The following RFX1 variants were observed in gnomAD, a reference collection of about 807,000 sequenced individuals.
RFX1 encodes the protein MHC class II regulatory factor RFX1.
In RFX1, 42 loss-of-function variants were observed where a neutral mutation model predicts 119.6. The ratio of observed to expected loss-of-function variants is 0.35; its 90% CI spans 0.27 to 0.45. The LOEUF (loss-of-function observed/expected upper bound fraction) is 0.45, where lower values mean the gene tolerates loss of function less well. Ranked by LOEUF, RFX1 falls within the 20% of genes least tolerant of loss-of-function variation. RFX1 has a pLI of 1.00. For synonymous variants in RFX1, 628 were observed against 618.5 expected, an observed-to-expected ratio of 1.02 and a Z score of -0.23; for missense variants, 1,118 against 1,368.1, an observed-to-expected ratio of 0.82 and a Z score of 2.88.
Position 13,968,552 on chromosome 19 carries a change from A to G in RFX1, c.1732+13T>C, listed in dbSNP as rs1973975724. 1.2e-6 allele frequency: 2 copies of G among 1,603,350 alleles called. No individual in the cohort carries two copies. Among genetic ancestry groups the G allele is most frequent in the East Asian group, 2.2e-5 (1 of 44,812 alleles). ...GGCGGTGGTTGGGGAAGCACGGGCC[A>G]GGGAGCTCTCACCCAAAAATTGCTG... On this transcript the variant is annotated intron_variant, in intron 12 of 20. Coordinates refer to ENST00000254325, the MANE Select transcript of RFX1 (RefSeq NM_002918.5). The surrounding 1 kb of genome is among the most constrained non-coding windows in gnomAD (Gnocchi z 5.5).
rs912505018 is a variant in RFX1 at position 13,962,632 on chromosome 19, A to C, written c.*63T>G. 3.3e-5 allele frequency: 42 copies of C among 1,263,226 alleles called. No homozygotes were observed. The African/African-American group carries it at 5.1e-4, about 15-fold the overall frequency. The allele number at this position is 1,263,226 out of a possible 1,614,324, so 78.3% of individuals were successfully genotyped here. On this transcript the variant is annotated 3_prime_UTR_variant, in exon 21 of 21. Coordinates refer to ENST00000254325, the MANE Select transcript of RFX1 (RefSeq NM_002918.5). ...TGGAGCAGTGACCACGAAGCCACAG[A>C]AGCTTTGAGGGACCCTGGCGTGGAG...
At chr19:13,962,919 C>G (rs1324920682) in intron 20 of RFX1, 55 bp from the exon 21 acceptor site, 17 of 1,542,650 alleles carry the variant, frequency 1.1e-5, no homozygotes, top group African/African-American at 1.4e-5. Context: ...CCCCCGGGCT[C>G]CTCCTCCTCC....
rs180758537 is a variant in RFX1 at position 13,969,165 on chromosome 19, C to T, written c.1497-271G>A. The stretch of plus-strand genomic sequence containing the variant: ...CTGAAGCTGGGAATGGGAACCGAGA[C>T]GTGAGCGGAGGTGAGCCATGGGGGT... On this transcript the variant is annotated intron_variant, in intron 10 of 20. Transcript: ENST00000254325. The surrounding 1 kb of genome is among the most constrained non-coding windows in gnomAD (Gnocchi z 4.5). Among the ~76,000 whole-genome samples the T allele has an allele frequency of 9.1e-4, 139 of 152,206 alleles. No homozygotes were observed. The highest frequency in any genetic ancestry group is 3.2e-3 in the African/African-American group (131 of 41,522).
rs1973674140 is a variant in RFX1 at position 13,961,807 on chromosome 19, A to ATC, written c.*887_*888insGA. 2.0e-5 allele frequency: 3 copies of ATC among 152,384 alleles called. No homozygotes were observed. The highest frequency in any genetic ancestry group is 4.4e-5 in the Non-Finnish European group (3 of 68,072). The allele number at this position is 152,384 out of a possible 1,614,324, so 9.4% of individuals were successfully genotyped here. ...CTGAAAACACTGAGAAAACTGGAAC[A>ATC]GATAAGGCCATGATGGTTGGAAAAA... On this transcript the variant is annotated 3_prime_UTR_variant, in exon 21 of 21. Coordinates refer to ENST00000254325, the MANE Select transcript of RFX1 (RefSeq NM_002918.5).
In RFX1 at chr19:13,986,820, CCCAGG is replaced by C. The variant is rs1974612964; in HGVS notation, c.320-3230_320-3226del. On this transcript the variant is annotated intron_variant, in intron 2 of 20. Coordinates refer to ENST00000254325, the MANE Select transcript of RFX1 (RefSeq NM_002918.5). The surrounding 1 kb of genome is among the most constrained non-coding windows in gnomAD (Gnocchi z 4.2). ...ACCTTAAATGAGCTACTTGGGGGAG[CCCAGG>C]GGAGGCCCTAGAGGCTGGACTCCTG... 6.6e-6 allele frequency among the ~76,000 whole-genome samples: 1 copy of C among 152,082 alleles called. No individual in the cohort carries two copies. Among genetic ancestry groups the C allele is most frequent in the Non-Finnish European group, 1.5e-5 (1 of 67,978 alleles).
chr19:13,979,016 G>A (rs1974346637), intron 7 of RFX1, among the ~76,000 whole-genome samples: 1 of 151,688 alleles, frequency 6.6e-6, no homozygotes, highest in Non-Finnish European at 1.5e-5. Context: ...GGCGGCTCCG[G>A]CGGCGGCGTG....
intron 2 of RFX1, among the ~76,000 whole-genome samples, chr19:13,988,352 T>G (rs1370801372): frequency 6.6e-6 from 1 of 152,082 alleles, no homozygotes; most frequent in Non-Finnish European, 1.5e-5. Context: ...CGGGAAGAGC[T>G]GGAGAAGCCA....
At chr19:14,005,497 A>G (rs913391304) in intron 1 of RFX1, among the ~76,000 whole-genome samples, 1 of 152,214 alleles carries the variant, frequency 6.6e-6, no homozygotes, top group African/African-American at 2.4e-5. Context: ...CCTGGAAGGA[A>G]TGAGGAGTCC....
chr19:13,969,724 G>A lies in RFX1; in HGVS notation c.1496+270C>T, dbSNP rs1974013940. ...TAAAGAGAAAAATAAAGCAGGGTTGGGGGGTGTCGGGCAGGGGAGAGGGGG... is the reference window on the plus strand; with the variant it reads ...TAAAGAGAAAAATAAAGCAGGGTTGAGGGGTGTCGGGCAGGGGAGAGGGGG... On this transcript the variant is annotated intron_variant, in intron 10 of 20. Coordinates refer to ENST00000254325, the MANE Select transcript of RFX1 (RefSeq NM_002918.5). The surrounding 1 kb of genome is among the most constrained non-coding windows in gnomAD (Gnocchi z 4.5). 2.4e-6 allele frequency: 1 copy of A among 421,784 alleles called. No individual in the cohort carries two copies. Among genetic ancestry groups the A allele is most frequent in the African/African-American group, 2.0e-5 (1 of 49,780 alleles). 26.1% of individuals were successfully genotyped at this position (421,784 alleles called of 1,614,324 possible).
chr19:13,977,293 C>CAA (rs745777521), intron 8 of RFX1, among the ~76,000 whole-genome samples: 2 of 112,256 alleles, frequency 1.8e-5, no homozygotes, highest in African/African-American at 3.3e-5. Flanking sequence ...GACTCCATCT[C>CAA]AAAAAAAAAA....
At chr19:14,006,445 C>T (rs1458708997), upstream of RFX1, 4 of 152,240 alleles carry the variant, frequency 2.6e-5, no homozygotes, top group East Asian at 7.7e-4. Context: ...GCACGCTTTT[C>T]AACACCCTCT....
rs780713429 is a variant in RFX1, at chr19:13,966,774, G to A, written c.1733-23C>T. On this transcript the variant is annotated intron_variant, in intron 12 of 20. Coordinates refer to ENST00000254325, the MANE Select transcript of RFX1 (RefSeq NM_002918.5). The surrounding 1 kb of genome is among the most constrained non-coding windows in gnomAD (Gnocchi z 6.3). ...CATCTAGGGGGCCGGGGGGAACCGT[G>A]AGGCCCTTCATCCCCCTTGCCTGCC... The A allele has an allele frequency of 1.6e-5, 24 of 1,531,414 alleles. No individual in the cohort carries two copies. The highest frequency in any genetic ancestry group is 1.8e-5 in the Non-Finnish European group (20 of 1,116,754). 94.9% of individuals were successfully genotyped at this position (1,531,414 alleles called of 1,614,324 possible).
At position 13,980,493 on chromosome 19, in the gene RFX1, A is replaced by G; in HGVS notation, c.738+80T>C. 1 of 889,016 alleles carries G rather than the reference A, an allele frequency of 1.1e-6. No individual in the cohort carries two copies. Among genetic ancestry groups the G allele is most frequent in the South Asian group, 1.6e-5 (1 of 63,396 alleles). The allele number at this position is 889,016 out of a possible 1,614,324, so 55.1% of individuals were successfully genotyped here. ...CACATGGGCTGGGCTCTAATAGGCC[A>G]GAGGCACAGCCGTGGGGGGCTGCAG... On this transcript the variant is annotated intron_variant, in intron 6 of 20. Transcript: ENST00000254325. This position sits in a 1 kb window ranked among gnomAD's most constrained non-coding sequence, Gnocchi z 5.1.
At position 13,968,928 on chromosome 19, in the gene RFX1, G is replaced by T; in HGVS notation, c.1497-34C>A. On this transcript the variant is annotated intron_variant, in intron 10 of 20. Transcript: ENST00000254325. This position sits in a 1 kb window ranked among gnomAD's most constrained non-coding sequence, Gnocchi z 5.5. ...GAGGTGGAGGGGAAGGGCTGGGCTG[G>T]GGGTCTGCCGGCTGGCCGGCCATGG... is the stretch of plus-strand genomic sequence containing the variant. The T allele has an allele frequency of 6.5e-7, 1 of 1,539,782 alleles. No homozygotes were observed. The highest frequency in any genetic ancestry group is 1.2e-5 in the South Asian group (1 of 83,750).
chr19:13,973,973 G>T (rs1452027605), intron 8 of RFX1, among the ~76,000 whole-genome samples: 1 of 151,982 alleles, frequency 6.6e-6, no homozygotes, highest in Admixed American at 6.6e-5. Context: ...AATACCGAAG[G>T]GTTAGGGAAC....
chr19:13,996,261 A>G (rs915549887), intron 1 of RFX1, among the ~76,000 whole-genome samples: 4 of 152,236 alleles, frequency 2.6e-5, no homozygotes, highest in Non-Finnish European at 5.9e-5. Context: ...GAAAGGCTCC[A>G]GATCCGTGCT....
rs764785522 is a variant in RFX1, at chr19:13,968,801, C to T, written c.1590G>A (p.Arg530=). ...LMEDQQHMAM[R]GQPFSQKQRL... ...TCTGCTTCTGCGAGAAGGGCTGGCC[C>T]CGCATGGCCATGTGCTGCTGGTCCT... is the stretch of plus-strand genomic sequence containing the variant. Residue 530 remains arginine (R), a synonymous_variant, in exon 11 of 21, where the codon CGG becomes CGA. Transcript: ENST00000254325. This position sits in a 1 kb window ranked among gnomAD's most constrained non-coding sequence, Gnocchi z 5.5. 4.4e-6 allele frequency: 7 copies of T among 1,576,954 alleles called. No individual in the cohort carries two copies. Among genetic ancestry groups the T allele is most frequent in the South Asian group, 1.1e-5 (1 of 87,488 alleles).
At position 13,963,753 on chromosome 19, in the gene RFX1, C is replaced by T. The variant is rs774973155; in HGVS notation, c.2362-7G>A. ...ACACCCACGAGGCCTGCTCCTGGGG[C>T]ACAGAGGGTGGGCGGGCGCCCGGGG... is the stretch of plus-strand genomic sequence containing the variant. On this transcript the variant is annotated splice_polypyrimidine_tract_variant and splice_region_variant and intron_variant, in intron 17 of 20. Coordinates refer to ENST00000254325, the MANE Select transcript of RFX1 (RefSeq NM_002918.5). 99 of 1,570,004 alleles carry T rather than the reference C, an allele frequency of 6.3e-5. No individual in the cohort carries two copies. The highest frequency in any genetic ancestry group is 8.5e-5 in the Non-Finnish European group (99 of 1,159,820).
intron 1 of RFX1, among the ~76,000 whole-genome samples, chr19:14,001,162 C>T (rs1258410621): frequency 2.0e-5 from 3 of 152,202 alleles, no homozygotes; most frequent in Admixed American, 6.5e-5. Flanking sequence ...CTGTCCCCAC[C>T]GCCACCTTCA....
Sources: gnomAD v4.1 joint callset for allele counts (sites outside exome capture counted in the v4.1 genomes callset) on GRCh38, gnomAD v4.1.1 for gene constraint, Gnocchi (gnomAD v3.1) non-coding constraint, MANE v1.5 for transcripts, NCBI Gene and HGNC (gene_info 2026-07-23, HGNC 2026-07-21) for gene names.